The following RFC3 variants were observed in gnomAD, a reference collection of about 807,000 sequenced individuals.
RFC3 encodes replication factor C subunit 3.
A neutral mutation model predicts 45.1 loss-of-function variants in RFC3; 41 were observed. That is an observed-to-expected ratio of 0.91 (90% CI 0.71 to 1.18). The LOEUF is 1.18. Among genes scored for constraint, RFC3 ranks in the 50% most tolerant of loss-of-function variants. The pLI, the probability that RFC3 is intolerant of heterozygous loss-of-function variation, is 0.00. For synonymous variants in RFC3, 149 were observed against 144.0 expected (o/e 1.03, Z -0.25); for missense variants, 423 against 428.1 (o/e 0.99, Z 0.10).
At chr13:33,860,604 G>A (rs1342978374) in intron 8 of RFC3, among the ~76,000 whole-genome samples, 4 of 151,990 alleles carry the variant, frequency 2.6e-5, no homozygotes, top group Admixed American at 2.0e-4. Context: ...AATCGACTCC[G>A]CATGTGTCCC....
rs3135569 is a variant in RFC3, at chr13:33,825,009, G to A, written c.294-780G>A. Among the ~76,000 whole-genome samples, 1,331 of 152,234 alleles carry A rather than the reference G, an allele frequency of 8.7e-3. 24 individuals are homozygous for A. The highest frequency in any genetic ancestry group is 0.028 in the African/African-American group (1,167 of 41,544). ...AATAGTAGTGACTTGGGAAAACTTA[G>A]TGGCTCTTTGAGAAAATAAAGTTAA... On this transcript the variant is annotated intron_variant, in intron 3 of 8. Coordinates refer to ENST00000380071, the MANE Select transcript of RFC3 (RefSeq NM_002915.4).
chr13:33,934,034 A>T (rs977621163), intron 8 of RFC3, among the ~76,000 whole-genome samples: 2 of 152,020 alleles, frequency 1.3e-5, no homozygotes, highest in Admixed American at 1.3e-4. Flanking sequence ...AAGAAAGGAA[A>T]GAGAAATTAA....
At chr13:33,919,911 A>T (rs1417549412) in intron 8 of RFC3, among the ~76,000 whole-genome samples, 1 of 152,280 alleles carries the variant, frequency 6.6e-6, no homozygotes, top group Middle Eastern at 3.4e-3. Context: ...TAGTCTTCAC[A>T]TGTAAAATGA....
intron 8 of RFC3, among the ~76,000 whole-genome samples, chr13:33,886,064 C>T (rs1202008020): frequency 1.3e-5 from 2 of 151,846 alleles, no homozygotes; most frequent in East Asian, 3.9e-4. Context: ...GTCTTCTCAA[C>T]TGCCTGACTC....
chr13:33,927,142 G>T (rs529088970), intron 8 of RFC3, among the ~76,000 whole-genome samples: 2 of 151,804 alleles, frequency 1.3e-5, no homozygotes, highest in Non-Finnish European at 1.5e-5. Flanking sequence ...GAAAAAGATC[G>T]GGAGTGGCGT....
chr13:33,928,520 T>C (rs1022668546), intron 8 of RFC3, among the ~76,000 whole-genome samples: 3 of 152,060 alleles, frequency 2.0e-5, no homozygotes, highest in African/African-American at 7.2e-5. Context: ...AAATTGGGCA[T>C]GTTGAGGTGA....
chr13:33,947,962 A>G (rs2082964559), intron 8 of RFC3, among the ~76,000 whole-genome samples: 1 of 152,200 alleles, frequency 6.6e-6, no homozygotes, highest in Non-Finnish European at 1.5e-5. Flanking sequence ...TGGCGATGTG[A>G]TAGAAAAGAA....
At chr13:33,885,066 C>T (rs550088585) in intron 8 of RFC3, among the ~76,000 whole-genome samples, 11 of 152,202 alleles carry the variant, frequency 7.2e-5, no homozygotes, top group African/African-American at 1.9e-4. Context: ...CCCTATTGAA[C>T]GGAGCCACCT....
intron 8 of RFC3, among the ~76,000 whole-genome samples, chr13:33,899,834 C>T (rs1173631780): frequency 6.6e-6 from 1 of 151,908 alleles, no homozygotes; most frequent in African/African-American, 2.4e-5. Flanking sequence ...AGTAAAGTTG[C>T]AGGATACAAA....
intron 8 of RFC3, chr13:33,850,638 G>T (rs1313381422): frequency 6.6e-6 from 1 of 152,038 alleles, no homozygotes; most frequent in Non-Finnish European, 1.5e-5. Context: ...AATATATATT[G>T]ACTTAGAAAA....
At chr13:33,839,675 AG>A (rs1017792748), downstream of RFC3, among the ~76,000 whole-genome samples, 1 of 152,218 alleles carries the variant, frequency 6.6e-6, no homozygotes, top group African/African-American at 2.4e-5. Flanking sequence ...CATTAGTAGA[AG>A]TAGCCATCCA....
At chr13:33,882,194 C>G (rs1051805103) in intron 8 of RFC3, among the ~76,000 whole-genome samples, 1 of 152,194 alleles carries the variant, frequency 6.6e-6, no homozygotes, top group Admixed American at 6.5e-5. Flanking sequence ...TTATCAAAAC[C>G]TGAAAACTGG....
intron 8 of RFC3, among the ~76,000 whole-genome samples, chr13:33,902,976 A>G (rs6562175): frequency 0.19 from 28,541 of 151,992 alleles, 5,933 homozygotes; most frequent in African/African-American, 0.52. Flanking sequence ...AATTTGTCTT[A>G]GGCTGCATTC....
chr13:33,872,249 G>A (rs557306036), intron 8 of RFC3, among the ~76,000 whole-genome samples: 2 of 152,144 alleles, frequency 1.3e-5, no homozygotes, highest in Non-Finnish European at 2.9e-5. Context: ...GAGGGGAGAA[G>A]GCCTTATTAG....
At chr13:33,920,063 T>C (rs769493702) in intron 8 of RFC3, among the ~76,000 whole-genome samples, 1 of 152,168 alleles carries the variant, frequency 6.6e-6, no homozygotes, top group Non-Finnish European at 1.5e-5. Flanking sequence ...CCTTCCCTTC[T>C]GCACCCTCTC....
At chr13:33,842,526 G>C (rs543420061) in intron 8 of RFC3, among the ~76,000 whole-genome samples, 1 of 152,120 alleles carries the variant, frequency 6.6e-6, no homozygotes, top group Non-Finnish European at 1.5e-5. Context: ...CTTCTTTCCA[G>C]ATCTCTGCCC....
At chr13:33,895,207 C>T (rs1004820008) in intron 8 of RFC3, among the ~76,000 whole-genome samples, 2 of 152,122 alleles carry the variant, frequency 1.3e-5, no homozygotes, top group African/African-American at 4.8e-5. Context: ...TCAAAGTAAA[C>T]AGACAACCCA....
At chr13:33,903,578 C>T (rs1354601548) in intron 8 of RFC3, among the ~76,000 whole-genome samples, 1 of 152,056 alleles carries the variant, frequency 6.6e-6, no homozygotes, top group Non-Finnish European at 1.5e-5. Flanking sequence ...GCTCCAGCAA[C>T]CACTCTATGT....
At chr13:33,842,243 G>A (rs1361923885), downstream of RFC3, among the ~76,000 whole-genome samples, 1 of 151,618 alleles carries the variant, frequency 6.6e-6, no homozygotes, top group African/African-American at 2.4e-5. Context: ...GGCTATGATC[G>A]TGCCACTGCA....
Sources: allele counts gnomAD v4.1 joint callset (sites outside exome capture counted in the v4.1 genomes callset), GRCh38; gene constraint gnomAD v4.1.1; transcripts MANE v1.5; gene names NCBI Gene and HGNC (gene_info 2026-07-23, HGNC 2026-07-21).